Variants in TRPM1 observed in about 807,000 individuals in gnomAD.
TRPM1 encodes transient receptor potential cation channel subfamily M member 1, also known as TRPM1-203 APA Isoform, Intron 10.
TRPM1 carries 113 observed loss-of-function variants against 149.4 expected under a neutral mutation model. That is an observed-to-expected ratio of 0.76 (90% CI 0.65 to 0.88). The LOEUF (loss-of-function observed/expected upper bound fraction) is 0.88, where lower values mean the gene tolerates loss of function less well. Ranked by LOEUF, TRPM1 falls within the 40% of genes least tolerant of loss-of-function variation. The pLI is 0.00. For missense variants in TRPM1, 1,976 were observed against 2,038.7 expected, an observed-to-expected ratio of 0.97 and a Z score of 0.59; for synonymous variants, 741 against 759.5, an observed-to-expected ratio of 0.98 and a Z score of 0.40.
chr15:31,089,262 G>C (rs1254017284), intron 1 of TRPM1, among the ~76,000 whole-genome samples: 1 of 151,038 alleles, frequency 6.6e-6, no homozygotes, highest in Non-Finnish European at 1.5e-5. Flanking sequence ...GGTTTCTGAG[G>C]GTTGGCAATG....
chr15:31,046,376 G>A (rs2033764313), intron 15 of TRPM1, 143 bp from the exon 16 acceptor site: 1 of 798,314 alleles, frequency 1.3e-6, no homozygotes. Context: ...AATATCCAAG[G>A]AAAAGAAGTG....
chr15:31,086,817 T>G lies in TRPM1; in HGVS notation c.-83-5379A>C, dbSNP rs538319340. On this transcript the variant is annotated intron_variant, in intron 1 of 27. Transcript: ENST00000256552. ...TGCAATGTGGAGAAATATTTGCAAA[T>G]CATATATCTGATAAGCAATTAATAT... Among the ~76,000 whole-genome samples the G allele has an allele frequency of 4.6e-5, 7 of 152,282 alleles. No individual in the cohort carries two copies. In the South Asian group the frequency reaches 1.5e-3, roughly 32 times the overall value.
intron 3 of TRPM1, chr15:31,070,488 T>C (rs1280886378): frequency 1.5e-6 from 1 of 687,450 alleles, no homozygotes; most frequent in South Asian, 1.5e-5. Context: ...TTTTGATGTC[T>C]TGATAACATC....
intron 1 of TRPM1, among the ~76,000 whole-genome samples, chr15:31,095,831 G>T (rs1328816218): frequency 3.3e-5 from 5 of 151,930 alleles, no homozygotes; most frequent in Non-Finnish European, 5.9e-5. Context: ...ATCTCTGGAG[G>T]TCAGGAGTTC....
At chr15:31,117,515 G>A (rs566775936) in intron 1 of TRPM1, among the ~76,000 whole-genome samples, 13 of 151,852 alleles carry the variant, frequency 8.6e-5, no homozygotes, top group Non-Finnish European at 1.9e-4. Flanking sequence ...GAGCATGGAG[G>A]TGCAAGCCTG....
rs1002489493 is a variant in TRPM1 at position 31,063,403 on chromosome 15, T to C, written c.791-111A>G. ...TAAAAACATTACGACTTGGGGGATGTTCTATCTGGCTGGAAGGAATTCAGG... is the reference window on the plus strand; with the variant it reads ...TAAAAACATTACGACTTGGGGGATGCTCTATCTGGCTGGAAGGAATTCAGG... On this transcript the variant is annotated intron_variant, in intron 7 of 27. Transcript: ENST00000256552. 4.4e-6 allele frequency: 6 copies of C among 1,373,962 alleles called. No homozygotes were observed. In the South Asian group the frequency reaches 7.0e-5, roughly 16 times the overall value. 85.1% of individuals were successfully genotyped at this position (1,373,962 alleles called of 1,614,324 possible).
rs1302098269 is a variant in TRPM1 at position 31,068,006 on chromosome 15, T to G, written c.366A>C (p.Leu122Phe). The change falls in exon 5 of 28, where the codon TTA becomes TTC. Residue 122 changes from leucine (L) to phenylalanine (F), a missense_variant. Leu to Phe is a conservative substitution (Grantham distance 22). Around this residue, in one of 3 missense-constraint regions of TRPM1, gnomAD observed 1,332 missense variants for 1,347.1 expected, o/e 0.99. Transcript: ENST00000256552. ...TCTGGAGGCCTCCATGCACAGATAT[T>G]AAGAGCTTGGGGAGTTCCAGCTGCC... ...KDWQLELPKLLISVHGGLQNF... is the reference protein window; with the variant it reads ...KDWQLELPKLFISVHGGLQNF... 6.2e-7 allele frequency: 1 copy of G among 1,614,044 alleles called. No individual in the cohort carries two copies. Among genetic ancestry groups the G allele is most frequent in the East Asian group, 2.2e-5 (1 of 44,900 alleles).
chr15:31,002,875 A>C lies in TRPM1; in HGVS notation c.3825T>G (p.Cys1275Trp), dbSNP rs756646018. 3 of 1,613,972 alleles carry C rather than the reference A, an allele frequency of 1.9e-6. No individual in the cohort carries two copies. The highest frequency in any genetic ancestry group is 2.5e-6 in the Non-Finnish European group (3 of 1,180,024). The change falls in exon 28 of 28, where the codon TGT (cysteine) becomes TGG (tryptophan). Residue 1275 changes from cysteine to tryptophan, a missense_variant. Cys to Trp is a radical substitution (Grantham distance 215). Coordinates refer to ENST00000256552, the MANE Select transcript of TRPM1 (RefSeq NM_001252024.2). ...IQARSRASSE[C>W]EATYLLRQSS... Reference sequence around the variant, plus strand: ...TTTGCCGGAGAAGATACGTTGCCTCACATTCAGAAGAAGCCCGGGACCGTG... The same window carrying C: ...TTTGCCGGAGAAGATACGTTGCCTCCCATTCAGAAGAAGCCCGGGACCGTG...
In TRPM1 at chr15:31,026,187, T is replaced by C. The variant is rs1010060774; in HGVS notation, c.3581A>G (p.Asp1194Gly). ...CVQEHFREKEDEQQSSSDERI... is the reference protein window; with the variant it reads ...CVQEHFREKEGEQQSSSDERI... ...CTCGTCGCTGGACGACTGCTGCTCATCCTCCTTCTCCCGGAAGTGCTCCTG... is the reference window on the plus strand; with the variant it reads ...CTCGTCGCTGGACGACTGCTGCTCACCCTCCTTCTCCCGGAAGTGCTCCTG... Residue 1194 changes from aspartate (D) to glycine (G), a missense_variant, in exon 27 of 28, where the codon GAT (aspartate) becomes GGT (glycine). This residue lies in a region of TRPM1 where 572 missense variants were observed against 578.9 expected (regional missense o/e 0.99). Coordinates refer to ENST00000256552, the MANE Select transcript of TRPM1 (RefSeq NM_001252024.2). The C allele has an allele frequency of 4.3e-6, 7 of 1,612,340 alleles. No homozygotes were observed. The highest frequency in any genetic ancestry group is 1.3e-5 in the African/African-American group (1 of 74,942).
intron 15 of TRPM1, 113 bp downstream of exon 15, chr15:31,046,998 G>T: frequency 6.9e-7 from 1 of 1,441,376 alleles, no homozygotes; most frequent in Non-Finnish European, 9.8e-7. Context: ...GGACAGCTGT[G>T]CTGGGGACAG....
Position 31,031,259 on chromosome 15 carries a change from T to G in TRPM1, c.2953-102A>C. On this transcript the variant is annotated intron_variant, in intron 22 of 27. Coordinates refer to ENST00000256552, the MANE Select transcript of TRPM1 (RefSeq NM_001252024.2). ...TCCAATTAAGCACTTCACGAGTGCT[T>G]AATTAGGACGAAGAAAGCCTCTTTC... is the stretch of plus-strand genomic sequence containing the variant. 3.9e-6 allele frequency: 5 copies of G among 1,296,750 alleles called. No homozygotes were observed. The South Asian group carries it at 6.1e-5, about 16-fold the overall frequency. The allele number at this position is 1,296,750 out of a possible 1,614,324, so 80.3% of individuals were successfully genotyped here. A position where few individuals can be genotyped will look rare whatever the true frequency, so the allele number is the denominator to read the frequency against.
At chr15:31,066,469 T>C (rs1257425306) in intron 6 of TRPM1, among the ~76,000 whole-genome samples, 1 of 152,202 alleles carries the variant, frequency 6.6e-6, no homozygotes, top group East Asian at 1.9e-4. Flanking sequence ...CCCCTGGCAT[T>C]TATCACAGAG....
chr15:31,143,571 C>G (rs968519498), intron 1 of TRPM1, among the ~76,000 whole-genome samples: 1 of 152,050 alleles, frequency 6.6e-6, no homozygotes, highest in African/African-American at 2.4e-5. Context: ...TGTCACCAAA[C>G]CTGGCTAATT....
At chr15:31,100,474 C>A (rs533273866) in intron 1 of TRPM1, among the ~76,000 whole-genome samples, 10 of 152,050 alleles carry the variant, frequency 6.6e-5, no homozygotes, top group Middle Eastern at 3.4e-3. Flanking sequence ...ACCAAAAAAT[C>A]ACATGTACCC....
Position 31,038,052 on chromosome 15 carries a change from C to T in TRPM1, c.2431G>A (p.Glu811Lys). 1 of 1,614,158 alleles carries T rather than the reference C, an allele frequency of 6.2e-7. No homozygotes were observed. The highest frequency in any genetic ancestry group is 2.2e-5 in the East Asian group (1 of 44,886). The change falls in exon 19 of 28, where the codon GAA (glutamate) becomes AAA (lysine). Residue 811 changes from glutamate (E) to lysine (K), a missense_variant. This residue lies in a region of TRPM1 where 1,332 missense variants were observed against 1,347.1 expected (regional missense o/e 0.99). Coordinates refer to ENST00000256552, the MANE Select transcript of TRPM1 (RefSeq NM_001252024.2). ...ENEDGKEKEE[E>K]NTDANADAGS... ...TCAAGTGTGTCACTGACCGTATTTT[C>T]CTCTTCTTTTTCTTTGCCATCCTCA...
chr15:31,072,918 C>T (rs74892189), intron 3 of TRPM1, among the ~76,000 whole-genome samples: 2,468 of 152,018 alleles, frequency 0.016, 80 homozygotes, highest in African/African-American at 0.057. Flanking sequence ...GGATACAAGT[C>T]CCTTATCAGA....
At chr15:31,012,965 TCTTTC>T (rs962625855) in intron 27 of TRPM1, among the ~76,000 whole-genome samples, 3 of 151,110 alleles carry the variant, frequency 2.0e-5, no homozygotes, top group Non-Finnish European at 4.4e-5. Context: ...TTCCTTCATT[TCTTTC>T]TTTTTCTTTT....
chr15:31,092,637 A>C (rs2035270345), intron 1 of TRPM1, among the ~76,000 whole-genome samples: 1 of 152,204 alleles, frequency 6.6e-6, no homozygotes, highest in Non-Finnish European at 1.5e-5. Context: ...ACAGCCCAGC[A>C]CTTCCACACT....
At position 31,040,127 on chromosome 15, in the gene TRPM1, G is replaced by A. The variant is rs376623689; in HGVS notation, c.2307C>T (p.Pro769=). 41 of 1,614,032 alleles carry A rather than the reference G, an allele frequency of 2.5e-5. No individual in the cohort carries two copies. Among genetic ancestry groups the A allele is most frequent in the East Asian group, 6.7e-5 (3 of 44,898 alleles). ...WMGRLRMRKN[P]GLKVIMGILL... ...AGCACGTTGCACGCACCTTCAGGCC[G>A]GGGTTCTTCCGCATCCGCAGTCTTC... is the stretch of plus-strand genomic sequence containing the variant. The change falls in exon 18 of 28, where the codon CCC becomes CCT. Residue 769 remains proline (P), a synonymous_variant. Transcript: ENST00000256552. The surrounding 1 kb of genome is among the most constrained non-coding windows in gnomAD (Gnocchi z 4.2).
Sources: allele counts gnomAD v4.1 joint callset (sites outside exome capture counted in the v4.1 genomes callset), GRCh38; gene constraint gnomAD v4.1.1; regional missense constraint gnomAD v4.1.1; non-coding constraint Gnocchi (gnomAD v3.1); transcripts MANE v1.5; gene names NCBI Gene and HGNC (gene_info 2026-07-23, HGNC 2026-07-21).